Variants in P3H2 observed in about 807,000 individuals in gnomAD.
P3H2 encodes leprecan-like 1.
P3H2 carries 80 observed loss-of-function variants against 87.0 expected under a neutral mutation model. That is an observed-to-expected ratio of 0.92 (90% confidence interval 0.77 to 1.11). The LOEUF is 1.11. Ranked by LOEUF, P3H2 falls within the 50% of genes least tolerant of loss-of-function variation. The pLI is 0.00. For missense variants in P3H2, 1,001 were observed against 923.9 expected (o/e 1.08, Z -1.08); for synonymous variants, 367 against 359.3 (o/e 1.02, Z -0.24).
intron 1 of P3H2, among the ~76,000 whole-genome samples, chr3:190,084,314 A>T (rs190917135): frequency 6.6e-6 from 1 of 152,374 alleles, no homozygotes; most frequent in East Asian, 1.9e-4. Flanking sequence ...TCTCCGCTAA[A>T]GAAGAAAATA....
intron 1 of P3H2, among the ~76,000 whole-genome samples, chr3:190,087,378 T>C (rs956633426): frequency 6.8e-6 from 1 of 147,724 alleles, no homozygotes; most frequent in Non-Finnish European, 1.5e-5. Flanking sequence ...CTACTAAAAA[T>C]ACAAAAAAAA....
intron 1 of P3H2, among the ~76,000 whole-genome samples, chr3:190,059,854 T>C (rs1225927010): frequency 6.6e-6 from 1 of 152,144 alleles, no homozygotes; most frequent in African/African-American, 2.4e-5. Context: ...GCTTGGAAAA[T>C]GAAGATTCCT....
chr3:190,033,352 A>T (rs1466394451), intron 1 of P3H2, among the ~76,000 whole-genome samples: 5 of 152,236 alleles, frequency 3.3e-5, no homozygotes, highest in Non-Finnish European at 7.3e-5. Context: ...CAAAATAACC[A>T]GAATATATAC....
chr3:190,090,461 T>C (rs1180984147), intron 1 of P3H2, among the ~76,000 whole-genome samples: 1 of 152,194 alleles, frequency 6.6e-6, no homozygotes, highest in East Asian at 1.9e-4. Context: ...CCCAGCACTT[T>C]GGGAGGCTGA....
chr3:190,007,985 T>TATATATATATATATATAG, intron 1 of P3H2, among the ~76,000 whole-genome samples: 2 of 136,866 alleles, frequency 1.5e-5, no homozygotes, highest in Non-Finnish European at 3.2e-5. Context: ...TATATATATA[T>TATATATATATATATATAG]AGTAAACTTC....
At chr3:189,973,517 T>A (rs1323882732) in intron 10 of P3H2, among the ~76,000 whole-genome samples, 1 of 64,438 alleles carries the variant, frequency 1.6e-5, no homozygotes, top group Non-Finnish European at 3.6e-5. Context: ...CTTTCTTTTT[T>A]TTTTTTTTTT....
intron 1 of P3H2, among the ~76,000 whole-genome samples, chr3:190,074,280 T>C (rs6781725): frequency 0.24 from 35,930 of 151,746 alleles, 4,574 homozygotes; most frequent in African/African-American, 0.33. Context: ...GAGGTCGAGG[T>C]GAATGGATCA....
At position 189,957,725 on chromosome 3, in the gene P3H2, A is replaced by AG. The variant is rs1560334598; in HGVS notation, c.*186_*187insC. The AG allele has an allele frequency of 5.9e-5, 36 of 608,850 alleles. No homozygotes were observed. Among genetic ancestry groups the AG allele is most frequent in the African/African-American group, 5.3e-4 (28 of 53,230 alleles). 37.7% of individuals were successfully genotyped at this position (608,850 alleles called of 1,614,324 possible). ...AAGAGAGAGAGAGAGAGAGAGAGAG[A>AG]AAACAACCCAAAACAAGAAAGATAG... On this transcript the variant is annotated 3_prime_UTR_variant, in exon 15 of 15. Coordinates refer to ENST00000319332, the MANE Select transcript of P3H2 (RefSeq NM_018192.4).
rs111296310 is a variant in P3H2, at chr3:189,970,059, G to A, written c.1893+757C>T. The stretch of plus-strand genomic sequence containing the variant: ...CACGGGTTTACTTAGGAAGATGGTC[G>A]TTGAATTGAACTTTTGATTTACTCT... On this transcript the variant is annotated intron_variant, in intron 13 of 14. Coordinates refer to ENST00000319332, the MANE Select transcript of P3H2 (RefSeq NM_018192.4). Among the ~76,000 whole-genome samples the A allele has an allele frequency of 4.8e-3, 721 of 150,718 alleles. 5 individuals carry two copies. The highest frequency in any genetic ancestry group is 0.017 in the African/African-American group (694 of 40,932).
chr3:189,981,115 C>A (rs1723520891), intron 8 of P3H2, among the ~76,000 whole-genome samples: 1 of 152,224 alleles, frequency 6.6e-6, no homozygotes, highest in Non-Finnish European at 1.5e-5. Context: ...TCTAGCTGTT[C>A]ATCTGTATCC....
At chr3:190,071,112 T>C (rs1470578724) in intron 1 of P3H2, among the ~76,000 whole-genome samples, 1 of 152,254 alleles carries the variant, frequency 6.6e-6, no homozygotes, top group Non-Finnish European at 1.5e-5. Context: ...TGTTACAGGA[T>C]GACATGTTTG....
intron 8 of P3H2, 89 bp from the exon 9 acceptor site, chr3:189,974,774 G>C (rs1376455504): frequency 6.7e-7 from 1 of 1,500,242 alleles, no homozygotes; most frequent in Non-Finnish European, 9.3e-7. Context: ...TGTGCAATTC[G>C]AGTGAGTCCA....
Position 189,995,558 on chromosome 3 carries a change from T to TTC in P3H2, c.481-117_481-116insGA. 8.6e-6 allele frequency: 9 copies of TTC among 1,049,924 alleles called. No individual in the cohort carries two copies. The Admixed American group carries it at 2.2e-4, about 25-fold the overall frequency. The allele number at this position is 1,049,924 out of a possible 1,614,324, so 65.0% of individuals were successfully genotyped here. On this transcript the variant is annotated intron_variant, in intron 1 of 14. Transcript: ENST00000319332. ...TAAGAATGAAACTAGGAGCCTTGGTTTTTTTTTTTTTTATCAGACAGGCAA... is the reference window on the plus strand; with the variant it reads ...TAAGAATGAAACTAGGAGCCTTGGTTTCTTTTTTTTTTTTATCAGACAGGCAA...
chr3:190,024,891 C>A (rs1163517673), intron 1 of P3H2, among the ~76,000 whole-genome samples: 1 of 152,010 alleles, frequency 6.6e-6, no homozygotes, highest in African/African-American at 2.4e-5. Flanking sequence ...AAATGGAAAC[C>A]CTTCTCCACC....
Position 190,022,982 on chromosome 3 carries a change from A to G in P3H2, c.481-27540T>C, listed in dbSNP as rs1203352464. On this transcript the variant is annotated intron_variant, in intron 1 of 14. Transcript: ENST00000319332. ...GCTGGGACTACAGGCACCCACCACC[A>G]CGCCTGGCTAATTTTTTGTATTTTT... Among the ~76,000 whole-genome samples, 7 of 151,962 alleles carry G rather than the reference A, an allele frequency of 4.6e-5. No homozygotes were observed. The East Asian group carries it at 5.8e-4, about 13-fold the overall frequency.
chr3:190,099,254 T>C (rs572539991), intron 1 of P3H2, among the ~76,000 whole-genome samples: 1 of 152,330 alleles, frequency 6.6e-6, no homozygotes, highest in Non-Finnish European at 1.5e-5. Context: ...AATAAACTTC[T>C]GGCAAAACTT....
intron 1 of P3H2, among the ~76,000 whole-genome samples, chr3:190,075,158 G>C (rs565833264): frequency 3.3e-5 from 5 of 152,304 alleles, no homozygotes; most frequent in African/African-American, 1.2e-4. Context: ...AAAAGGCTAG[G>C]ATATGAAACT....
At chr3:190,090,165 T>C (rs1386312090) in intron 1 of P3H2, among the ~76,000 whole-genome samples, 2 of 152,214 alleles carry the variant, frequency 1.3e-5, no homozygotes, top group Non-Finnish European at 1.5e-5. Flanking sequence ...ACATGCTTCT[T>C]AACTAAATAA....
intron 14 of P3H2, 69 bp from the exon 15 acceptor site, chr3:189,958,073 C>A: frequency 8.0e-6 from 9 of 1,121,386 alleles, no homozygotes; most frequent in Non-Finnish European, 1.2e-5. Context: ...AGACGCTTCC[C>A]AAACACTTCC....
Sources: gnomAD v4.1 joint callset for allele counts (sites outside exome capture counted in the v4.1 genomes callset) on GRCh38, gnomAD v4.1.1 for gene constraint, MANE v1.5 for transcripts, NCBI Gene and HGNC (gene_info 2026-07-23, HGNC 2026-07-21) for gene names.